Variants in GGT7 observed in about 807,000 individuals in gnomAD.
GGT7 encodes glutathione hydrolase 7.
In GGT7, 30 loss-of-function variants were observed where a neutral mutation model predicts 69.2. The observed-to-expected ratio is 0.43, with a 90% CI of 0.32 to 0.59. The LOEUF (loss-of-function observed/expected upper bound fraction) is 0.59, where lower values mean the gene tolerates loss of function less well. Among genes scored for constraint, GGT7 ranks in the 20% least tolerant of loss-of-function variants. The probability of loss-of-function intolerance (pLI) is 0.05; values close to 1 mark genes in which losing one functional copy is unlikely to be tolerated. For missense variants in GGT7, 733 were observed against 901.1 expected (o/e 0.81, Z 2.39); for synonymous variants, 388 against 391.8 (o/e 0.99, Z 0.12).
chr20:34,845,516 A>G (rs1233299753), intron 14 of GGT7, 25 bp from the exon 15 acceptor site: 19 of 1,605,898 alleles, frequency 1.2e-5, no homozygotes, highest in Admixed American at 1.7e-5. Context: ...CGACATATAC[A>G]CATTCAGAAT....
Position 34,862,831 on chromosome 20 carries a change from G to C in GGT7, c.540C>G (p.His180Gln). The change falls in exon 3 of 15, where the codon CAC (histidine) becomes CAG (glutamine). Residue 180 changes from histidine to glutamine, a missense_variant. By Grantham distance (24) the His-to-Gln change is conservative (BLOSUM62 0). Transcript: ENST00000336431. ...AALCLGIVAP[H>Q]SSGLGGGGVM... is the part of the protein sequence containing the mutation. Reference sequence around the variant, plus strand: ...CTCCTTACCCGCCCAGGCCAGAACTGTGTGGAGCCACGATACCCAAACACA... The same window carrying C: ...CTCCTTACCCGCCCAGGCCAGAACTCTGTGGAGCCACGATACCCAAACACA... 6.2e-7 allele frequency: 1 copy of C among 1,614,144 alleles called. No individual in the cohort carries two copies. The highest frequency in any genetic ancestry group is 8.5e-7 in the Non-Finnish European group (1 of 1,180,020).
intron 1 of GGT7, among the ~76,000 whole-genome samples, chr20:34,868,330 G>T (rs2079726575): frequency 6.6e-6 from 1 of 152,248 alleles, no homozygotes; most frequent in Admixed American, 6.5e-5. Context: ...TATGTGCACT[G>T]TGGAACAGCT....
In GGT7 at chr20:34,863,005, T is replaced by A. The variant is rs1386778752; in HGVS notation, c.406-40A>T. 2 of 1,586,170 alleles carry A rather than the reference T, an allele frequency of 1.3e-6. No homozygotes were observed. The highest frequency in any genetic ancestry group is 2.7e-5 in the African/African-American group (2 of 74,354). ...AGGACTTGGTGGGGGCAGGAGGAGC[T>A]GTCCACCTCCCTAGGGCACCTCCAC... On this transcript the variant is annotated intron_variant, in intron 2 of 14. Coordinates refer to ENST00000336431, the MANE Select transcript of GGT7 (RefSeq NM_178026.3). The surrounding 1 kb of genome is among the most constrained non-coding windows in gnomAD (Gnocchi z 4.4).
intron 7 of GGT7, among the ~76,000 whole-genome samples, chr20:34,857,140 T>C (rs536272782): frequency 6.6e-6 from 1 of 152,316 alleles, no homozygotes; most frequent in Admixed American, 6.5e-5. Context: ...AATGACCTCC[T>C]TAGCTTGCCA....
chr20:34,850,095 T>G, intron 13 of GGT7, 35 bp from the exon 14 acceptor site: 2 of 1,388,552 alleles, frequency 1.4e-6, no homozygotes, highest in Non-Finnish European at 2.1e-6. Context: ...ATCAGGGCTG[T>G]CCCAGGGGTG....
intron 6 of GGT7, 22 bp downstream of exon 6, chr20:34,859,947 C>A: frequency 1.3e-6 from 2 of 1,495,878 alleles, no homozygotes; most frequent in East Asian, 2.4e-5. Context: ...ATGTCTCTCC[C>A]AAATCCCCAG....
rs1007351711 is a variant in GGT7, at chr20:34,872,567, T to C, written c.169+80A>G. 12 of 940,624 alleles carry C rather than the reference T, an allele frequency of 1.3e-5. No homozygotes were observed. In the Admixed American group the frequency reaches 1.7e-4, roughly 13 times the overall value. 58.3% of individuals were successfully genotyped at this position (940,624 alleles called of 1,614,324 possible). On this transcript the variant is annotated intron_variant, in intron 1 of 14. Coordinates refer to ENST00000336431, the MANE Select transcript of GGT7 (RefSeq NM_178026.3). ...TGGGGATGAATTAAGGAGATGGAGC[T>C]GGAGGTGGATGCTTGACACAGAAGA...
At chr20:34,858,490 C>T (rs1228022342) in intron 7 of GGT7, among the ~76,000 whole-genome samples, 1 of 152,178 alleles carries the variant, frequency 6.6e-6, no homozygotes, top group Non-Finnish European at 1.5e-5. Context: ...ATTTAATTCC[C>T]ACAACTGTAT....
chr20:34,856,882 T>C lies in GGT7; in HGVS notation c.1026A>G (p.Ala342=), dbSNP rs199796953. The C allele has an allele frequency of 1.3e-4, 214 of 1,607,236 alleles. No homozygotes were observed. The highest frequency in any genetic ancestry group is 4.8e-4 in the Admixed American group (29 of 59,956). ...AGTCCTCTTCGGTTATGACACCCCCTGCGTGCTGAGCCTGGAGGGAAGAGA... is the reference window on the plus strand; with the variant it reads ...AGTCCTCTTCGGTTATGACACCCCCCGCGTGCTGAGCCTGGAGGGAAGAGA... ...TLEMVAEAQH[A]GGVITEEDFS... The change falls in exon 8 of 15, where the codon GCA becomes GCG. Residue 342 remains alanine (A), a synonymous_variant. Transcript: ENST00000336431.
At chr20:34,852,123 G>A (rs1434047073) in intron 12 of GGT7, 32 bp downstream of exon 12, 4 of 1,327,230 alleles carry the variant, frequency 3.0e-6, no homozygotes, top group Non-Finnish European at 4.4e-6. Flanking sequence ...TAGGCCTCAG[G>A]GTCCCCAGGA....
chr20:34,846,074 A>G (rs2079300410), intron 14 of GGT7, among the ~76,000 whole-genome samples: 1 of 152,060 alleles, frequency 6.6e-6, no homozygotes, highest in African/African-American at 2.4e-5. Flanking sequence ...CCAAAAAAAG[A>G]AAAGAAAGAA....
intron 14 of GGT7, among the ~76,000 whole-genome samples, chr20:34,848,098 A>G (rs1601212553): frequency 6.6e-6 from 1 of 152,350 alleles, no homozygotes; most frequent in East Asian, 1.9e-4. Flanking sequence ...ATCTCAAAAA[A>G]ATAATAAAAT....
chr20:34,850,970 T>C (rs2079379924), intron 13 of GGT7: 4 of 676,774 alleles, frequency 5.9e-6, no homozygotes, highest in Admixed American at 4.1e-5. Context: ...GCCACCCAGA[T>C]GCTAACCCCA....
At chr20:34,866,874 C>A (rs1009158287) in intron 1 of GGT7, among the ~76,000 whole-genome samples, 1 of 152,154 alleles carries the variant, frequency 6.6e-6, no homozygotes, top group African/African-American at 2.4e-5. Flanking sequence ...AGCCACCGCA[C>A]CCTGCTGTTT....
intron 1 of GGT7, among the ~76,000 whole-genome samples, chr20:34,864,280 T>C (rs2079652863): frequency 6.6e-6 from 1 of 151,654 alleles, no homozygotes; most frequent in African/African-American, 2.4e-5. Flanking sequence ...GCAAAGAGTA[T>C]GTGTGTGGAA....
chr20:34,861,738 G>A (rs2079599603), intron 3 of GGT7, among the ~76,000 whole-genome samples, 176 bp from the exon 4 acceptor site: 1 of 152,116 alleles, frequency 6.6e-6, no homozygotes, highest in African/African-American at 2.4e-5. Context: ...CTAAGAGGAT[G>A]GGAGCAAAAC....
Position 34,845,153 on chromosome 20 carries a change from A to ACCACCAC in GGT7, c.*174_*175insGTGGTGG. ...CACCACCACCACCACCACCACCACCACAGGCCTCCTGATGGAGAATTTTCC... is the reference window on the plus strand; with the variant it reads ...CACCACCACCACCACCACCACCACCACCACCACCAGGCCTCCTGATGGAGAATTTTCC... On this transcript the variant is annotated 3_prime_UTR_variant, in exon 15 of 15. Transcript: ENST00000336431. The ACCACCAC allele has an allele frequency of 3.5e-6, 1 of 283,580 alleles. No individual in the cohort carries two copies. Among genetic ancestry groups the ACCACCAC allele is most frequent in the Non-Finnish European group, 6.8e-6 (1 of 147,638 alleles). The allele number at this position is 283,580 out of a possible 1,614,324, so 17.6% of individuals were successfully genotyped here.
At chr20:34,854,128 G>A (rs189626607) in intron 10 of GGT7, among the ~76,000 whole-genome samples, 152 of 152,250 alleles carry the variant, frequency 1.0e-3, no homozygotes, top group Non-Finnish European at 1.7e-3. Flanking sequence ...GTAGAGGCAG[G>A]GTTTCACTAT....
Position 34,860,039 on chromosome 20 carries a change from C to T in GGT7, c.747G>A (p.Leu249=), listed in dbSNP as rs373147980. The change falls in exon 6 of 15, where the codon CTG becomes CTA. Residue 249 remains leucine, a synonymous_variant. Coordinates refer to ENST00000336431, the MANE Select transcript of GGT7 (RefSeq NM_178026.3). The part of the protein sequence containing the change: ...LHEAHQLYGR[L]PWSQVLAFAA... ...CAAAGGCCAGGACTTGGGACCATGG[C>T]AGCCTGGGGGGGCCGGAGAGCAGGG... 20 of 1,553,156 alleles carry T rather than the reference C, an allele frequency of 1.3e-5. No individual in the cohort carries two copies. The highest frequency in any genetic ancestry group is 1.7e-5 in the Non-Finnish European group (20 of 1,150,170).
Sources: gnomAD v4.1 joint callset for allele counts (sites outside exome capture counted in the v4.1 genomes callset) on GRCh38, gnomAD v4.1.1 for gene constraint, Gnocchi (gnomAD v3.1) non-coding constraint, MANE v1.5 for transcripts, NCBI Gene and HGNC (gene_info 2026-07-23, HGNC 2026-07-21) for gene names.